The following TBX20 variants were observed in gnomAD, a reference collection of about 807,000 sequenced individuals.
TBX20 encodes T-box transcription factor 20, also known as T-box transcription factor TBX20.
TBX20 carries 8 observed loss-of-function variants against 42.9 expected under a neutral mutation model. The observed-to-expected ratio is 0.19, with a 90% confidence interval of 0.11 to 0.34. The LOEUF (loss-of-function observed/expected upper bound fraction) is 0.34, where lower values mean the gene tolerates loss of function less well. Ranked by LOEUF, TBX20 falls within the 10% of genes least tolerant of loss-of-function variation. The pLI, the probability that TBX20 is intolerant of heterozygous loss-of-function variation, is 1.00. For synonymous variants in TBX20, 198 were observed against 222.8 expected (o/e 0.89, Z 0.99); for missense variants, 411 against 566.0 (o/e 0.73, Z 2.78).
Position 35,202,753 on chromosome 7 carries a change from A to G in TBX20, c.1021T>C (p.Ser341Pro). ...TPNRGSAFTT[S>P]DNLSLSSWVS... ...CAGGAGCTGAGAGACAAATTATCAG[A>G]TGTTGTAAAGGCTGACCCTGTAAGG... is the stretch of plus-strand genomic sequence containing the variant. The change falls in exon 8 of 8, where the codon TCT becomes CCT. Residue 341 changes from serine to proline, a missense_variant. Transcript: ENST00000408931. The G allele has an allele frequency of 1.9e-6, 3 of 1,558,156 alleles. No homozygotes were observed. Among genetic ancestry groups the G allele is most frequent in the South Asian group, 2.4e-5 (2 of 84,308 alleles).
chr7:35,238,918 CT>C (rs753943487), intron 5 of TBX20, among the ~76,000 whole-genome samples: 2 of 151,788 alleles, frequency 1.3e-5, no homozygotes, highest in East Asian at 3.9e-4. Flanking sequence ...GTGACAAATT[CT>C]TTTTTTGACA....
intron 1 of TBX20, 45 bp downstream of exon 1, chr7:35,253,449 G>A: frequency 1.9e-6 from 3 of 1,585,520 alleles, no homozygotes; most frequent in East Asian, 2.3e-5. Flanking sequence ...AGACGGATGC[G>A]CAGCATCCCC....
At chr7:35,232,859 C>T (rs1267561809) in intron 5 of TBX20, among the ~76,000 whole-genome samples, 8 of 152,036 alleles carry the variant, frequency 5.3e-5, no homozygotes, top group Non-Finnish European at 1.0e-4. Flanking sequence ...CCTGTCTCTA[C>T]TAAAAATAAA....
At chr7:35,228,427 G>A (rs1182532850) in intron 6 of TBX20, among the ~76,000 whole-genome samples, 1 of 151,846 alleles carries the variant, frequency 6.6e-6, no homozygotes, top group African/African-American at 2.4e-5. Flanking sequence ...TATATAATGG[G>A]GTTTTGCCAG....
intron 4 of TBX20, among the ~76,000 whole-genome samples, chr7:35,242,710 TA>T (rs1350060987): frequency 6.6e-6 from 1 of 152,170 alleles, no homozygotes; most frequent in Non-Finnish European, 1.5e-5. Context: ...ACTGAGCCTC[TA>T]AGACCCCAGA....
At chr7:35,244,907 T>C in intron 4 of TBX20, 42 bp downstream of exon 4, 1 of 1,463,504 alleles carries the variant, frequency 6.8e-7, no homozygotes, top group Non-Finnish European at 9.6e-7. Flanking sequence ...ACCTGTCCAT[T>C]CTACCTCAGG....
At chr7:35,248,424 A>T (rs1790235429) in intron 3 of TBX20, among the ~76,000 whole-genome samples, 1 of 152,236 alleles carries the variant, frequency 6.6e-6, no homozygotes, top group Admixed American at 6.5e-5. Flanking sequence ...ATTGAAATTT[A>T]AGAAAAACTT....
chr7:35,247,349 T>C (rs538629527), intron 3 of TBX20, among the ~76,000 whole-genome samples: 1 of 152,074 alleles, frequency 6.6e-6, no homozygotes, highest in Non-Finnish European at 1.5e-5. Flanking sequence ...TATTATAAAC[T>C]GGTGAATCTT....
Position 35,253,698 on chromosome 7 carries a change from C to T in TBX20, c.-78G>A, listed in dbSNP as rs2128716638. The T allele has an allele frequency of 6.4e-7, 1 of 1,558,430 alleles. No homozygotes were observed. The highest frequency in any genetic ancestry group is 2.3e-5 in the East Asian group (1 of 44,392). ...AGATTCCCCAAGGGAGACAAAGACC[C>T]GAAACACAGCTCAAAGTTTCCGAGA... On this transcript the variant is annotated 5_prime_UTR_variant, in exon 1 of 8. Coordinates refer to ENST00000408931, the MANE Select transcript of TBX20 (RefSeq NM_001077653.2).
chr7:35,220,495 A>G (rs1789662948), intron 6 of TBX20, among the ~76,000 whole-genome samples: 1 of 152,196 alleles, frequency 6.6e-6, no homozygotes, highest in Admixed American at 6.5e-5. Context: ...TGCCAGGTCA[A>G]CACTCCTTTT....
chr7:35,205,397 A>C (rs184859059), intron 6 of TBX20, among the ~76,000 whole-genome samples: 2 of 152,138 alleles, frequency 1.3e-5, no homozygotes, highest in Non-Finnish European at 2.9e-5. Flanking sequence ...TTGTTCGCCA[A>C]AAGTGCATAC....
At chr7:35,252,213 T>C (rs1009903454) in intron 1 of TBX20, among the ~76,000 whole-genome samples, 16 of 152,170 alleles carry the variant, frequency 1.1e-4, no homozygotes, top group African/African-American at 3.6e-4. Context: ...TAAACAGCAA[T>C]GTATAATGTT....
chr7:35,231,680 A>C, intron 5 of TBX20, 100 bp from the exon 6 acceptor site: 1 of 809,698 alleles, frequency 1.2e-6, no homozygotes, highest in Non-Finnish European at 2.1e-6. Context: ...AGAATATCTT[A>C]ATGTTTCTCA....
intron 1 of TBX20, among the ~76,000 whole-genome samples, chr7:35,251,862 G>T (rs1036559399): frequency 2.6e-5 from 4 of 152,138 alleles, no homozygotes; most frequent in African/African-American, 9.7e-5. Flanking sequence ...CACCTCTGTT[G>T]AACTGGCCAG....
chr7:35,220,602 A>G (rs142998799), intron 6 of TBX20, among the ~76,000 whole-genome samples: 99 of 152,336 alleles, frequency 6.5e-4, no homozygotes, highest in African/African-American at 2.0e-3. Flanking sequence ...CCCTTCTTCA[A>G]TCTATACCTG....
Position 35,225,119 on chromosome 7 carries a change from T to A in TBX20, c.890+6385A>T, listed in dbSNP as rs181516190. Reference sequence around the variant, plus strand: ...AAAATGAAAATTTATTAAAACTGATTTTTTAAGTTCAGTAAAATGGCACAA... The same window carrying A: ...AAAATGAAAATTTATTAAAACTGATATTTTAAGTTCAGTAAAATGGCACAA... On this transcript the variant is annotated intron_variant, in intron 6 of 7. Coordinates refer to ENST00000408931, the MANE Select transcript of TBX20 (RefSeq NM_001077653.2). Among the ~76,000 whole-genome samples the A allele has an allele frequency of 8.2e-3, 1,243 of 152,292 alleles. 12 individuals carry two copies. The highest frequency in any genetic ancestry group is 0.017 in the Middle Eastern group (5 of 294).
intron 6 of TBX20, among the ~76,000 whole-genome samples, chr7:35,206,303 T>G (rs573123721): frequency 6.2e-4 from 95 of 152,356 alleles, no homozygotes; most frequent in Middle Eastern, 6.8e-3. Context: ...ATCCCAGCAC[T>G]TGGGGAGGCC....
intron 3 of TBX20, among the ~76,000 whole-genome samples, chr7:35,245,319 G>GGTGTGTGTGTGTAT (rs1554287408): frequency 6.6e-4 from 96 of 146,498 alleles, no homozygotes; most frequent in Non-Finnish European, 1.2e-3. Context: ...TGTTTAAAGG[G>GGTGTGTGTGTGTAT]GTGTGTGTGT....
intron 4 of TBX20, among the ~76,000 whole-genome samples, chr7:35,241,476 G>A (rs1790080073): frequency 7.0e-6 from 1 of 143,024 alleles, no homozygotes; most frequent in Admixed American, 7.4e-5. Flanking sequence ...GAAAAGCAGT[G>A]GGGTGTTAGA....
Sources: gnomAD v4.1 joint callset for allele counts (sites outside exome capture counted in the v4.1 genomes callset) on GRCh38, gnomAD v4.1.1 for gene constraint, MANE v1.5 for transcripts, NCBI Gene and HGNC (gene_info 2026-07-23, HGNC 2026-07-21) for gene names.